The following MC2R variants were observed in gnomAD, a reference collection of about 807,000 sequenced individuals.
MC2R encodes adrenocorticotropic hormone receptor.
Under a neutral mutation model 9.8 loss-of-function variants are expected in MC2R, and 9 were observed. That is an observed-to-expected ratio of 0.92 (90% CI 0.55 to 1.60). MC2R has a LOEUF of 1.60. Ranked by LOEUF, MC2R falls within the 40% of genes most tolerant of loss-of-function variation. The pLI, the probability that MC2R is intolerant of heterozygous loss-of-function variation, is 0.00. For synonymous variants in MC2R, 185 were observed against 154.7 expected, an observed-to-expected ratio of 1.20 and a Z score of -1.45; for missense variants, 370 against 389.0, an observed-to-expected ratio of 0.95 and a Z score of 0.41.
At chr18:13,912,856 T>C (rs1010708107) in intron 1 of MC2R, among the ~76,000 whole-genome samples, 17 of 152,084 alleles carry the variant, frequency 1.1e-4, no homozygotes, top group Non-Finnish European at 2.5e-4. Context: ...CCAGCGCACA[T>C]CTTGTTTTGA....
chr18:13,885,742 T>C (rs1476264356), intron 1 of MC2R, 96 bp from the exon 2 acceptor site: 1 of 555,790 alleles, frequency 1.8e-6, no homozygotes, highest in African/African-American at 1.9e-5. Flanking sequence ...CTCCATAAAA[T>C]ATAAAGAAAT....
In MC2R at chr18:13,885,339, G is replaced by T; in HGVS notation, c.180C>A (p.Tyr60Ter). ...FKNKNLQAPM[Y>*]FFICSLAISD... The stretch of plus-strand genomic sequence containing the variant: ...ATATGGCCAAGCTACAGATGAAAAA[G>T]TACATGGGTGCCTGGAGATTCTTAT... The change falls in exon 2 of 2, where the codon TAC becomes TAA. Residue 60 changes from tyrosine to a stop codon, truncating the protein, a stop_gained. Coordinates refer to ENST00000327606, the MANE Select transcript of MC2R (RefSeq NM_000529.2). LOFTEE classifies it high-confidence loss of function. 3 of 1,614,192 alleles carry T rather than the reference G, an allele frequency of 1.9e-6. No individual in the cohort carries two copies. The highest frequency in any genetic ancestry group is 2.5e-6 in the Non-Finnish European group (3 of 1,180,042).
rs1598459848 is a variant in MC2R, at chr18:13,885,594, C to A, written c.-76G>T. Reference sequence around the variant, plus strand: ...GAAAACTTGATTGATTCTTCAGGATCTTTTCTTCCTTGTAGCACTTGCTGG... The same window carrying A: ...GAAAACTTGATTGATTCTTCAGGATATTTTCTTCCTTGTAGCACTTGCTGG... On this transcript the variant is annotated 5_prime_UTR_variant, in exon 2 of 2. Transcript: ENST00000327606. 2.0e-6 allele frequency: 3 copies of A among 1,510,226 alleles called. No individual in the cohort carries two copies. The highest frequency in any genetic ancestry group is 2.3e-5 in the East Asian group (1 of 44,204). 93.6% of individuals were successfully genotyped at this position (1,510,226 alleles called of 1,614,324 possible). A position where few individuals can be genotyped will look rare whatever the true frequency, so the allele number is the denominator to read the frequency against.
Position 13,885,371 on chromosome 18 carries a change from A to G in MC2R, c.148T>C (p.Phe50Leu), listed in dbSNP as rs1236638593. ...LENLIVLLAV[F>L]KNKNLQAPMY... ...GGTGCCTGGAGATTCTTATTCTTGA[A>G]CACAGCCAGCAGGACGATCAGATTC... Residue 50 changes from phenylalanine (F) to leucine (L), a missense_variant, in exon 2 of 2, where the codon TTC becomes CTC. Phe to Leu is a conservative substitution (Grantham distance 22). Transcript: ENST00000327606. 3.1e-6 allele frequency: 5 copies of G among 1,614,080 alleles called. No homozygotes were observed. Among genetic ancestry groups the G allele is most frequent in the Non-Finnish European group, 4.2e-6 (5 of 1,180,048 alleles).
At chr18:13,897,806 C>A (rs2045355283) in intron 1 of MC2R, among the ~76,000 whole-genome samples, 1 of 151,954 alleles carries the variant, frequency 6.6e-6, no homozygotes, top group Non-Finnish European at 1.5e-5. Flanking sequence ...AGGGAAGGAA[C>A]CAGTTCTGGC....
At position 13,884,699 on chromosome 18, in the gene MC2R, AG is replaced by A; in HGVS notation, c.819del (p.Phe274SerfsTer17). 1.2e-6 allele frequency: 2 copies of A among 1,614,158 alleles called. No individual in the cohort carries two copies. Among genetic ancestry groups the A allele is most frequent in the Non-Finnish European group, 1.7e-6 (2 of 1,180,034 alleles). Reference protein sequence around the residue: ...MLIMCNAVIDPFIYAFRSPEL... With the variant: ...MLIMCNAVIDXFIYAFRSPEL... ...TCTGGGCTCCGGAAGGCATATATGA[AG>A]GGGTCAATGACGGCATTGCACATGA... On this transcript the variant is annotated frameshift_variant, in exon 2 of 2. Transcript: ENST00000327606. LOFTEE classifies it high-confidence loss of function.
At chr18:13,910,382 C>T (rs1392862289) in intron 1 of MC2R, among the ~76,000 whole-genome samples, 6 of 152,158 alleles carry the variant, frequency 3.9e-5, no homozygotes, top group Non-Finnish European at 7.3e-5. Flanking sequence ...AGTCCTCTGA[C>T]TTTGTTGTTC....
intron 1 of MC2R, among the ~76,000 whole-genome samples, chr18:13,913,705 T>A (rs1181090315): frequency 1.3e-5 from 2 of 152,326 alleles, no homozygotes; most frequent in East Asian, 3.9e-4. Flanking sequence ...TCCTCACTTC[T>A]CACACTCAGC....
intron 1 of MC2R, among the ~76,000 whole-genome samples, chr18:13,900,488 G>A (rs933920511): frequency 1.3e-5 from 2 of 151,996 alleles, no homozygotes; most frequent in African/African-American, 4.8e-5. Flanking sequence ...ATGACCCATT[G>A]ATCTGCTGCC....
intron 1 of MC2R, among the ~76,000 whole-genome samples, chr18:13,904,330 G>C (rs1371218051): frequency 6.8e-6 from 1 of 146,656 alleles, no homozygotes. Context: ...GCAGTGAGCT[G>C]AGATAGCACC....
intron 1 of MC2R, among the ~76,000 whole-genome samples, chr18:13,886,123 T>G (rs1413946718): frequency 6.6e-6 from 1 of 152,194 alleles, no homozygotes; most frequent in African/African-American, 2.4e-5. Context: ...GTAACACGTA[T>G]GTTATTCTGA....
chr18:13,901,148 CA>C (rs2045377581), intron 1 of MC2R, among the ~76,000 whole-genome samples: 1 of 151,862 alleles, frequency 6.6e-6, no homozygotes, highest in African/African-American at 2.4e-5. Context: ...CCTGAATGAC[CA>C]GTGAATGAAG....
intron 1 of MC2R, among the ~76,000 whole-genome samples, chr18:13,907,836 T>C (rs1261889809): frequency 6.6e-6 from 1 of 152,056 alleles, no homozygotes; most frequent in Admixed American, 6.6e-5. Context: ...TGAGATATAA[T>C]CTCACCCCAG....
At chr18:13,895,774 A>G (rs1030175233) in intron 1 of MC2R, among the ~76,000 whole-genome samples, 6 of 152,168 alleles carry the variant, frequency 3.9e-5, no homozygotes, top group African/African-American at 1.2e-4. Flanking sequence ...CTGAAAGTGC[A>G]GGGGACTAGG....
intron 1 of MC2R, among the ~76,000 whole-genome samples, chr18:13,913,908 C>T (rs985916598): frequency 6.6e-6 from 1 of 152,142 alleles, no homozygotes; most frequent in Non-Finnish European, 1.5e-5. Flanking sequence ...GAGGCTGAGC[C>T]CTGCAGACAA....
intron 1 of MC2R, among the ~76,000 whole-genome samples, chr18:13,886,894 A>G (rs2045279753): frequency 6.6e-6 from 1 of 152,178 alleles, no homozygotes; most frequent in Non-Finnish European, 1.5e-5. Flanking sequence ...TACCTTGGAA[A>G]GGATTGGGTC....
At chr18:13,887,118 C>A (rs1048243651) in intron 1 of MC2R, among the ~76,000 whole-genome samples, 1 of 152,160 alleles carries the variant, frequency 6.6e-6, no homozygotes, top group African/African-American at 2.4e-5. Flanking sequence ...GCCTCCTGCC[C>A]AGGCCCGGGG....
At chr18:13,895,896 A>G (rs1567899152) in intron 1 of MC2R, among the ~76,000 whole-genome samples, 1 of 152,190 alleles carries the variant, frequency 6.6e-6, no homozygotes, top group African/African-American at 2.4e-5. Flanking sequence ...CAGATACCAG[A>G]CTGGTCTTGC....
chr18:13,906,782 A>G (rs533505801), intron 1 of MC2R, among the ~76,000 whole-genome samples: 2 of 152,222 alleles, frequency 1.3e-5, no homozygotes, highest in Non-Finnish European at 2.9e-5. Flanking sequence ...CCCATTTACA[A>G]TAGCCTCAAA....
Sources: allele counts gnomAD v4.1 joint callset (sites outside exome capture counted in the v4.1 genomes callset), GRCh38; gene constraint gnomAD v4.1.1; transcripts MANE v1.5; gene names NCBI Gene and HGNC (gene_info 2026-07-23, HGNC 2026-07-21).